The following PLOD2 variants were observed in gnomAD, a reference collection of about 807,000 sequenced individuals.
The protein encoded by PLOD2 is procollagen-lysine,2-oxoglutarate 5-dioxygenase 2.
A neutral mutation model predicts 101.0 loss-of-function variants in PLOD2; 65 were observed. The ratio of observed to expected loss-of-function variants is 0.64; its 90% CI spans 0.53 to 0.79. The LOEUF (loss-of-function observed/expected upper bound fraction) is 0.79, where lower values mean the gene tolerates loss of function less well. PLOD2 is among the 30% of genes least tolerant of loss of function. PLOD2 has a pLI of 0.00. For synonymous variants in PLOD2, 314 were observed against 302.9 expected, an observed-to-expected ratio of 1.04 and a Z score of -0.38; for missense variants, 909 against 914.6, an observed-to-expected ratio of 0.99 and a Z score of 0.08.
intron 9 of PLOD2, among the ~76,000 whole-genome samples, chr3:146,087,636 A>G (rs547207805): frequency 6.6e-6 from 1 of 151,980 alleles, no homozygotes; most frequent in Admixed American, 6.6e-5. Flanking sequence ...GATTTTTAAA[A>G]TAACTTATCA....
chr3:146,127,813 T>C (rs965433161), intron 1 of PLOD2, among the ~76,000 whole-genome samples: 14 of 152,124 alleles, frequency 9.2e-5, no homozygotes, highest in African/African-American at 3.4e-4. Context: ...CACAATGAGA[T>C]ACCATTTCAC....
chr3:146,141,892 T>A (rs1312286990), intron 1 of PLOD2, among the ~76,000 whole-genome samples: 1 of 152,098 alleles, frequency 6.6e-6, no homozygotes, highest in Non-Finnish European at 1.5e-5. Context: ...AAAGTTATTT[T>A]AAATTGGAAG....
At chr3:146,139,634 G>A (rs1329972839) in intron 1 of PLOD2, among the ~76,000 whole-genome samples, 1 of 152,100 alleles carries the variant, frequency 6.6e-6, no homozygotes, top group Non-Finnish European at 1.5e-5. Context: ...ATTTTACTGA[G>A]ATTTCCACTG....
intron 1 of PLOD2, among the ~76,000 whole-genome samples, chr3:146,157,597 A>T (rs1287947996): frequency 6.6e-6 from 1 of 152,206 alleles, no homozygotes; most frequent in Non-Finnish European, 1.5e-5. Flanking sequence ...TCAACGGTCA[A>T]TTCCCATCCT....
intron 1 of PLOD2, among the ~76,000 whole-genome samples, chr3:146,129,424 G>A (rs2030773072): frequency 6.6e-6 from 1 of 152,076 alleles, no homozygotes. Flanking sequence ...CCATATAGTT[G>A]GCCATATGGA....
chr3:146,090,782 G>T (rs1328960316), intron 8 of PLOD2, among the ~76,000 whole-genome samples: 1 of 151,790 alleles, frequency 6.6e-6, no homozygotes, highest in Non-Finnish European at 1.5e-5. Flanking sequence ...TACAGTAAAA[G>T]TATTTTGCAT....
intron 2 of PLOD2, among the ~76,000 whole-genome samples, chr3:146,123,111 T>G (rs1000839778): frequency 2.0e-5 from 3 of 152,212 alleles, no homozygotes; most frequent in Non-Finnish European, 4.4e-5. Context: ...AACACTTAGC[T>G]GTTCTATATT....
chr3:146,148,280 G>A (rs944929394), intron 1 of PLOD2, among the ~76,000 whole-genome samples: 4 of 150,154 alleles, frequency 2.7e-5, no homozygotes, highest in East Asian at 2.0e-4. Flanking sequence ...ATCTTTACCC[G>A]TTTCAAATAT....
chr3:146,106,322 G>A (rs1937534179), intron 5 of PLOD2, among the ~76,000 whole-genome samples: 1 of 152,156 alleles, frequency 6.6e-6, no homozygotes. Context: ...CAAAAGAGAA[G>A]CCATAAAGAC....
rs188270516 is a variant in PLOD2 at position 146,145,703 on chromosome 3, T to A, written c.109+15178A>T. Among the ~76,000 whole-genome samples the A allele has an allele frequency of 2.4e-3, 362 of 152,322 alleles. 2 individuals carry two copies. Among genetic ancestry groups the A allele is most frequent in the African/African-American group, 8.3e-3 (347 of 41,590 alleles). ...AAAGTTTTCTTTTGTACTTTTGTTA[T>A]CATGAATTTTTAAAAGGCTGAGTCA... On this transcript the variant is annotated intron_variant, in intron 1 of 19. Coordinates refer to ENST00000282903, the MANE Select transcript of PLOD2 (RefSeq NM_182943.3).
At chr3:146,114,977 G>T (rs1053837310) in intron 3 of PLOD2, among the ~76,000 whole-genome samples, 1 of 152,046 alleles carries the variant, frequency 6.6e-6, no homozygotes, top group Non-Finnish European at 1.5e-5. Flanking sequence ...TAGAAAACTT[G>T]GGGGGGATGA....
At chr3:146,090,199 T>C (rs552147123) in intron 8 of PLOD2, among the ~76,000 whole-genome samples, 18 of 151,460 alleles carry the variant, frequency 1.2e-4, no homozygotes, top group Non-Finnish European at 2.5e-4. Context: ...TGACTTTACA[T>C]ATAAAGAAAC....
rs1453425729 is a variant in PLOD2, at chr3:146,069,927, A to G, written c.*790T>C. The G allele has an allele frequency of 6.6e-6, 1 of 152,330 alleles. No individual in the cohort carries two copies. The highest frequency in any genetic ancestry group is 1.5e-5 in the Non-Finnish European group (1 of 67,882). 9.4% of individuals were successfully genotyped at this position (152,330 alleles called of 1,614,324 possible). A position where few individuals can be genotyped will look rare whatever the true frequency, so the allele number is the denominator to read the frequency against. The stretch of plus-strand genomic sequence containing the variant: ...GAAACAAAGCAAAAACAACAACAAA[A>G]AAAACCTGTTTGACTTAAGGACACT... On this transcript the variant is annotated 3_prime_UTR_variant, in exon 20 of 20. Transcript: ENST00000282903.
intron 13 of PLOD2, among the ~76,000 whole-genome samples, chr3:146,078,902 C>T (rs1387073372): frequency 2.0e-5 from 3 of 151,736 alleles, no homozygotes; most frequent in South Asian, 4.2e-4. Flanking sequence ...TGAATTAGCC[C>T]GAGCACAAAA....
Position 146,110,288 on chromosome 3 carries a change from C to G in PLOD2, c.499G>C (p.Gly167Arg). 1 of 1,613,322 alleles carries G rather than the reference C, an allele frequency of 6.2e-7. No individual in the cohort carries two copies. Among genetic ancestry groups the G allele is most frequent in the East Asian group, 2.2e-5 (1 of 44,838 alleles). The part of the protein sequence containing the change: ...VHIGKRYLNS[G>R]GFIGYAPYVN... Reference sequence around the variant, plus strand: ...TTTCTTCCAGTATCTAACTCACCTCCTGAATTCAGATAGCGTTTCCCAATG... The same window carrying G: ...TTTCTTCCAGTATCTAACTCACCTCGTGAATTCAGATAGCGTTTCCCAATG... The change falls in exon 4 of 20, where the codon GGA (glycine) becomes CGA (arginine). Residue 167 changes from glycine (G) to arginine (R), a missense_variant. Coordinates refer to ENST00000282903, the MANE Select transcript of PLOD2 (RefSeq NM_182943.3).
Position 146,097,608 on chromosome 3 carries a change from G to A in PLOD2, c.777+5147C>T, listed in dbSNP as rs1283455441. Among the ~76,000 whole-genome samples the A allele has an allele frequency of 9.4e-5, 11 of 117,566 alleles. No individual in the cohort carries two copies. In the South Asian group the frequency reaches 2.6e-3, roughly 28 times the overall value. 77.1% of individuals were successfully genotyped at this position (117,566 alleles called of 152,430 possible). ...ACAGATGCTTGAAGGCAGCATGCTC[G>A]TTAAGAGTCATCACCACTCCCTAAT... On this transcript the variant is annotated intron_variant, in intron 7 of 19. Transcript: ENST00000282903.
At chr3:146,145,488 T>A (rs1342709795) in intron 1 of PLOD2, among the ~76,000 whole-genome samples, 1 of 152,140 alleles carries the variant, frequency 6.6e-6, no homozygotes, top group Non-Finnish European at 1.5e-5. Context: ...AAGATCAACA[T>A]TCTAATTTGA....
chr3:146,077,906 CT>C lies in PLOD2; in HGVS notation c.1518del (p.Asp507ThrfsTer60). The C allele has an allele frequency of 7.5e-6, 12 of 1,598,838 alleles. No homozygotes were observed. The highest frequency in any genetic ancestry group is 2.2e-5 in the East Asian group (1 of 44,746). ...NAREMTLQREKDSPTPETFQM... is the reference protein window; with the variant it reads ...NAREMTLQREXDSPTPETFQM... ...TGGAATGTTTCCGGAGTAGGGGAGT[CT>C]TTTTCCCTTTGTAAAGTCTAAAATG... On this transcript the variant is annotated frameshift_variant, in exon 14 of 20. Transcript: ENST00000282903. LOFTEE classifies it high-confidence loss of function.
intron 3 of PLOD2, among the ~76,000 whole-genome samples, chr3:146,118,037 T>C (rs549862987): frequency 6.6e-6 from 1 of 152,236 alleles, no homozygotes; most frequent in African/African-American, 2.4e-5. Context: ...CTGACTCACA[T>C]GTAGTAACTC....
Sources: allele counts gnomAD v4.1 joint callset (sites outside exome capture counted in the v4.1 genomes callset), GRCh38; gene constraint gnomAD v4.1.1; transcripts MANE v1.5; gene names NCBI Gene and HGNC (gene_info 2026-07-23, HGNC 2026-07-21).